GPC5: variants seen among roughly 807,000 people sequenced by gnomAD.
GPC5 encodes glypican-5.
Under a neutral mutation model 53.9 loss-of-function variants are expected in GPC5, and 47 were observed. That is an observed-to-expected ratio of 0.87 (90% CI 0.69 to 1.11). The LOEUF (loss-of-function observed/expected upper bound fraction) is 1.11, where lower values mean the gene tolerates loss of function less well. Among genes scored for constraint, GPC5 ranks in the 50% most tolerant of loss-of-function variants. GPC5 has a pLI of 0.00. For synonymous variants in GPC5, 286 were observed against 263.3 expected (o/e 1.09, Z -0.84); for missense variants, 748 against 713.1 (o/e 1.05, Z -0.56).
intron 6 of GPC5, among the ~76,000 whole-genome samples, chr13:92,010,184 T>C (rs1045941889): frequency 6.6e-6 from 1 of 152,226 alleles, no homozygotes; most frequent in Non-Finnish European, 1.5e-5. Context: ...CCTTCTTTCC[T>C]GTTTTACATC....
intron 6 of GPC5, among the ~76,000 whole-genome samples, chr13:92,124,239 G>A (rs1238738934): frequency 6.6e-5 from 8 of 120,914 alleles, no homozygotes; most frequent in South Asian, 5.3e-4. Context: ...TCTTAACTCC[G>A]GACAGAATGA....
At chr13:91,898,786 G>C (rs2039468824) in intron 5 of GPC5, among the ~76,000 whole-genome samples, 1 of 151,954 alleles carries the variant, frequency 6.6e-6, no homozygotes, top group Non-Finnish European at 1.5e-5. Flanking sequence ...TCTGTGACCT[G>C]TTACGGCCCC....
intron 4 of GPC5, among the ~76,000 whole-genome samples, chr13:91,729,229 C>T (rs1156861603): frequency 5.9e-5 from 9 of 152,124 alleles, no homozygotes; most frequent in African/African-American, 2.2e-4. Flanking sequence ...CCATAGGGCT[C>T]GCTAACTCAC....
chr13:92,153,842 C>T (rs1566459092), intron 7 of GPC5, among the ~76,000 whole-genome samples: 1 of 152,124 alleles, frequency 6.6e-6, no homozygotes, highest in Non-Finnish European at 1.5e-5. Flanking sequence ...ACTTCTATTT[C>T]CCTCATAATT....
intron 5 of GPC5, among the ~76,000 whole-genome samples, chr13:91,862,600 G>C (rs1044934736): frequency 6.6e-6 from 1 of 152,060 alleles, no homozygotes; most frequent in Non-Finnish European, 1.5e-5. Flanking sequence ...ACAAAATTGT[G>C]TGTCTGTATA....
chr13:92,328,773 C>A (rs149845206), intron 7 of GPC5, among the ~76,000 whole-genome samples: 3 of 152,208 alleles, frequency 2.0e-5, no homozygotes, highest in South Asian at 2.1e-4. Flanking sequence ...TGCACCTGTA[C>A]CTATTTCAAA....
In GPC5 at chr13:91,746,045, A is replaced by G. The variant is rs541417557; in HGVS notation, c.1155-10250A>G. Among the ~76,000 whole-genome samples the G allele has an allele frequency of 3.9e-5, 6 of 152,370 alleles. No individual in the cohort carries two copies. The East Asian group carries it at 1.2e-3, about 29-fold the overall frequency. ...CAGGTGAGAATAACGTTAAATGATTAAATATAGATTCAGAACAGCAAGAGA... is the reference window on the plus strand; with the variant it reads ...CAGGTGAGAATAACGTTAAATGATTGAATATAGATTCAGAACAGCAAGAGA... On this transcript the variant is annotated intron_variant, in intron 4 of 7. Transcript: ENST00000377067.
At chr13:92,559,736 C>T (rs1882633435) in intron 7 of GPC5, among the ~76,000 whole-genome samples, 1 of 151,650 alleles carries the variant, frequency 6.6e-6, no homozygotes, top group East Asian at 2.0e-4. Context: ...CCTAAACTTT[C>T]CCCTTGCTTT....
chr13:92,446,961 C>A (rs1877853948), intron 7 of GPC5: 1 of 151,992 alleles, frequency 6.6e-6, no homozygotes, highest in Admixed American at 6.6e-5. Flanking sequence ...AATCTTTAGT[C>A]CATTTTTAAA....
At chr13:92,163,572 G>A (rs940065679) in intron 7 of GPC5, among the ~76,000 whole-genome samples, 6 of 151,910 alleles carry the variant, frequency 3.9e-5, no homozygotes, top group African/African-American at 7.3e-5. Flanking sequence ...AGAATATGGA[G>A]GCTATTATAT....
rs950122690 is a variant in GPC5 at position 92,620,409 on chromosome 13, C to T, written c.1562-245873C>T. On this transcript the variant is annotated intron_variant, in intron 7 of 7. Transcript: ENST00000377067. ...AAAAAGAAGCATCTTAGGTAACACA[C>T]ATCAGAGTTCTCCAGGAAGGAGACC... Among the ~76,000 whole-genome samples the T allele has an allele frequency of 1.5e-3, 231 of 152,260 alleles. 1 individual carries two copies. The highest frequency in any genetic ancestry group is 5.5e-3 in the African/African-American group (229 of 41,568).
intron 7 of GPC5, among the ~76,000 whole-genome samples, chr13:92,587,570 C>T (rs1007055927): frequency 1.1e-4 from 17 of 152,038 alleles, no homozygotes; most frequent in African/African-American, 3.9e-4. Context: ...ATTTATGGTA[C>T]TCCTGCAGAA....
intron 6 of GPC5, among the ~76,000 whole-genome samples, chr13:92,107,000 C>T (rs1594765799): frequency 6.6e-6 from 1 of 152,082 alleles, no homozygotes; most frequent in East Asian, 1.9e-4. Context: ...GGGTTTTTAC[C>T]TATATTAATG....
chr13:92,470,684 C>T lies in GPC5; in HGVS notation c.1561+325695C>T, dbSNP rs555666517. 5.1e-4 allele frequency among the ~76,000 whole-genome samples: 78 copies of T among 152,192 alleles called. No individual in the cohort carries two copies. The South Asian group carries it at 0.016, about 31-fold the overall frequency. On this transcript the variant is annotated intron_variant, in intron 7 of 7. Transcript: ENST00000377067. ...TCTCATTGCAATCATTTCTACACCA[C>T]CTTTAAAAAAGAAATAAGTATTTTT...
intron 3 of GPC5, among the ~76,000 whole-genome samples, chr13:91,700,019 A>T (rs185844061): frequency 6.6e-6 from 1 of 152,268 alleles, no homozygotes; most frequent in Admixed American, 6.5e-5. Context: ...TTCTGTTTAG[A>T]TATCATAAAT....
At chr13:92,607,534 G>C (rs1309118479) in intron 7 of GPC5, among the ~76,000 whole-genome samples, 1 of 151,994 alleles carries the variant, frequency 6.6e-6, no homozygotes, top group African/African-American at 2.4e-5. Context: ...CCCTCTAATG[G>C]AAGAGACTGA....
rs191587110 is a variant in GPC5 at position 92,171,008 on chromosome 13, G to A, written c.1561+26019G>A. 8.0e-4 allele frequency among the ~76,000 whole-genome samples: 122 copies of A among 152,206 alleles called. 1 individual carries two copies. Among genetic ancestry groups the A allele is most frequent in the Non-Finnish European group, 1.5e-3 (100 of 67,996 alleles). On this transcript the variant is annotated intron_variant, in intron 7 of 7. Coordinates refer to ENST00000377067, the MANE Select transcript of GPC5 (RefSeq NM_004466.6). The stretch of plus-strand genomic sequence containing the variant: ...CAGTCAGTTATCCTTCATGTACTGT[G>A]TAGAAGCTGCTACACACCTACTCTA...
chr13:92,082,075 A>G (rs191764135), intron 6 of GPC5, among the ~76,000 whole-genome samples: 79 of 152,320 alleles, frequency 5.2e-4, no homozygotes, highest in Non-Finnish European at 9.8e-4. Context: ...CCTAGTAGCT[A>G]TGTTAAAATG....
chr13:91,440,851 T>C (rs755937607), intron 1 of GPC5, among the ~76,000 whole-genome samples: 5 of 152,208 alleles, frequency 3.3e-5, no homozygotes, highest in Admixed American at 6.5e-5. Flanking sequence ...AGGTTGCTTA[T>C]AGACTGCACA....
Sources: allele counts gnomAD v4.1 joint callset (sites outside exome capture counted in the v4.1 genomes callset), GRCh38; gene constraint gnomAD v4.1.1; transcripts MANE v1.5; gene names NCBI Gene and HGNC (gene_info 2026-07-23, HGNC 2026-07-21).